CPED1: variants seen among roughly 807,000 people sequenced by gnomAD.
CPED1 encodes cadherin-like and PC-esterase domain-containing protein 1.
CPED1 carries 114 observed loss-of-function variants against 128.2 expected under a neutral mutation model. The observed-to-expected ratio is 0.89, with a 90% CI of 0.76 to 1.04. The LOEUF is 1.04. Among genes scored for constraint, CPED1 ranks in the 50% least tolerant of loss-of-function variants. CPED1 has a pLI of 0.00. For missense variants in CPED1, 1,211 were observed against 1,207.1 expected (o/e 1.00, Z -0.05); for synonymous variants, 462 against 426.7 (o/e 1.08, Z -1.02).
chr7:121,085,962 G>C (rs1177926150), intron 5 of CPED1, among the ~76,000 whole-genome samples: 1 of 152,128 alleles, frequency 6.6e-6, no homozygotes, highest in East Asian at 1.9e-4. Context: ...ATATAAAGCC[G>C]TAACTATTTA....
At chr7:121,235,099 A>G (rs1292983113) in intron 16 of CPED1, among the ~76,000 whole-genome samples, 2 of 152,098 alleles carry the variant, frequency 1.3e-5, no homozygotes, top group Non-Finnish European at 2.9e-5. Context: ...ATTTCATATA[A>G]AAATATTTTT....
rs187949906 is a variant in CPED1 at position 121,111,412 on chromosome 7, C to T, written c.918+11318C>T. On this transcript the variant is annotated intron_variant, in intron 7 of 22. Coordinates refer to ENST00000310396, the MANE Select transcript of CPED1 (RefSeq NM_024913.5). ...GGGAGGTTCCCACAGCTCCAGGTAC[C>T]CATTGCTATAAAAACAGCCTTGGCA... Among the ~76,000 whole-genome samples, 314 of 152,246 alleles carry T rather than the reference C, an allele frequency of 2.1e-3. 1 individual carries two copies. Among genetic ancestry groups the T allele is most frequent in the Admixed American group, 5.6e-3 (85 of 15,280 alleles).
intron 18 of CPED1, among the ~76,000 whole-genome samples, chr7:121,259,245 A>G (rs35779401): frequency 6.6e-6 from 1 of 152,064 alleles, no homozygotes; most frequent in East Asian, 1.9e-4. Flanking sequence ...AATTTTGACC[A>G]GGAATCTAAC....
intron 16 of CPED1, among the ~76,000 whole-genome samples, chr7:121,183,623 G>A (rs1458020059): frequency 6.6e-6 from 1 of 152,158 alleles, no homozygotes; most frequent in Non-Finnish European, 1.5e-5. Flanking sequence ...TCAAATAAAT[G>A]TTTAGATTAT....
At chr7:121,182,832 T>G (rs1796928368) in intron 16 of CPED1, among the ~76,000 whole-genome samples, 3 of 152,122 alleles carry the variant, frequency 2.0e-5, no homozygotes, top group African/African-American at 7.2e-5. Flanking sequence ...ATTAATTAGA[T>G]AAGACAAGCT....
At chr7:120,997,478 C>A (rs535988029) in intron 2 of CPED1, among the ~76,000 whole-genome samples, 1 of 152,234 alleles carries the variant, frequency 6.6e-6, no homozygotes, top group South Asian at 2.1e-4. Flanking sequence ...AAATTGTGTA[C>A]CCCATCCCTG....
In CPED1 at chr7:121,236,775, A is replaced by G; in HGVS notation, c.2117A>G (p.Tyr706Cys). The G allele has an allele frequency of 6.2e-7, 1 of 1,610,370 alleles. No individual in the cohort carries two copies. The highest frequency in any genetic ancestry group is 8.5e-7 in the Non-Finnish European group (1 of 1,178,498). The change falls in exon 17 of 23, where the codon TAC becomes TGC. Residue 706 changes from tyrosine to cysteine, a missense_variant. By Grantham distance (194) the Tyr-to-Cys change is radical. Coordinates refer to ENST00000310396, the MANE Select transcript of CPED1 (RefSeq NM_024913.5). Reference protein sequence around the residue: ...TCGLQPISSDYIEAILQSELK... With the variant: ...TCGLQPISSDCIEAILQSELK... ...GGGTTACAGCCTATTTCTTCTGACT[A>G]CATTGAAGCCATTTTACAGTCTGAA...
chr7:121,203,330 T>G (rs1161865963), intron 16 of CPED1, among the ~76,000 whole-genome samples: 2 of 152,248 alleles, frequency 1.3e-5, no homozygotes, highest in African/African-American at 4.8e-5. Context: ...ACCAATTAAT[T>G]ATTCTTCGAA....
At chr7:121,074,786 A>G (rs1174417688) in intron 5 of CPED1, among the ~76,000 whole-genome samples, 1 of 151,982 alleles carries the variant, frequency 6.6e-6, no homozygotes, top group Admixed American at 6.6e-5. Flanking sequence ...TTTCTCTTGA[A>G]TCACATTAGA....
intron 16 of CPED1, among the ~76,000 whole-genome samples, chr7:121,172,340 A>G (rs754446791): frequency 2.0e-5 from 3 of 151,510 alleles, no homozygotes; most frequent in East Asian, 3.9e-4. Context: ...GTATTTTTCT[A>G]TCTCACAGTT....
intron 16 of CPED1, among the ~76,000 whole-genome samples, chr7:121,179,103 G>A (rs1001769000): frequency 6.6e-6 from 1 of 152,192 alleles, no homozygotes; most frequent in African/African-American, 2.4e-5. Context: ...AAAATGGAGT[G>A]ATCAGTGAAG....
intron 16 of CPED1, among the ~76,000 whole-genome samples, chr7:121,186,795 T>C (rs1231581615): frequency 3.3e-5 from 5 of 152,140 alleles, no homozygotes; most frequent in Admixed American, 6.6e-5. Flanking sequence ...TAAATTTATC[T>C]TGTCTTTTCT....
chr7:121,066,583 T>C (rs1793834740), intron 5 of CPED1, among the ~76,000 whole-genome samples: 1 of 137,676 alleles, frequency 7.3e-6, no homozygotes, highest in African/African-American at 2.6e-5. Flanking sequence ...ACTAAGATTT[T>C]ATCTTTCGGT....
At chr7:121,199,379 T>C (rs1316329854) in intron 16 of CPED1, among the ~76,000 whole-genome samples, 4 of 151,810 alleles carry the variant, frequency 2.6e-5, no homozygotes, top group Admixed American at 6.6e-5. Context: ...CCGTGTGCTA[T>C]AGAAAAATAC....
chr7:120,997,250 G>A (rs117470101), intron 2 of CPED1, among the ~76,000 whole-genome samples: 5 of 152,198 alleles, frequency 3.3e-5, no homozygotes, highest in Admixed American at 1.3e-4. Context: ...ATTTATAAAT[G>A]AAGGAACATT....
chr7:121,060,711 T>C (rs1234368063), intron 4 of CPED1, among the ~76,000 whole-genome samples: 2 of 152,176 alleles, frequency 1.3e-5, no homozygotes, highest in Non-Finnish European at 2.9e-5. Context: ...TACCAGGCTC[T>C]ACCAATCAGC....
At chr7:121,089,586 A>G (rs1794526565) in intron 5 of CPED1, among the ~76,000 whole-genome samples, 1 of 152,198 alleles carries the variant, frequency 6.6e-6, no homozygotes, top group Non-Finnish European at 1.5e-5. Context: ...AATCACTGTT[A>G]TAGGGTTCTA....
chr7:121,237,242 G>T (rs189689782), intron 17 of CPED1, among the ~76,000 whole-genome samples: 4 of 152,242 alleles, frequency 2.6e-5, no homozygotes, highest in Non-Finnish European at 5.9e-5. Context: ...AGCTTCATGA[G>T]GGCAGAGAGC....
intron 16 of CPED1, among the ~76,000 whole-genome samples, chr7:121,147,317 T>C (rs1754775008): frequency 6.6e-6 from 1 of 152,140 alleles, no homozygotes; most frequent in African/African-American, 2.4e-5. Flanking sequence ...ATGTAATTAT[T>C]ACAATCAGAA....
Sources: allele counts gnomAD v4.1 joint callset (sites outside exome capture counted in the v4.1 genomes callset), GRCh38; gene constraint gnomAD v4.1.1; transcripts MANE v1.5; gene names NCBI Gene and HGNC (gene_info 2026-07-23, HGNC 2026-07-21).